Variants in TRAPPC9 observed in about 807,000 individuals in gnomAD.
TRAPPC9 encodes the protein trafficking protein particle complex subunit 9, also known as IKK2 binding protein.
In TRAPPC9, 83 loss-of-function variants were observed where a neutral mutation model predicts 124.0. That is an observed-to-expected ratio of 0.67 (90% CI 0.56 to 0.80). TRAPPC9 has a LOEUF of 0.80. Ranked by LOEUF, TRAPPC9 falls within the 30% of genes least tolerant of loss-of-function variation. TRAPPC9 has a pLI of 0.00. For missense variants in TRAPPC9, 1,302 were observed against 1,508.3 expected, an observed-to-expected ratio of 0.86 and a Z score of 2.27; for synonymous variants, 638 against 617.5, an observed-to-expected ratio of 1.03 and a Z score of -0.49.
chr8:140,404,282 G>T (rs2069391491), intron 6 of TRAPPC9, among the ~76,000 whole-genome samples: 1 of 152,000 alleles, frequency 6.6e-6, no homozygotes, highest in African/African-American at 2.4e-5. Context: ...GAATATAGGG[G>T]CAAAAATGTT....
intron 19 of TRAPPC9, among the ~76,000 whole-genome samples, chr8:139,986,018 G>A (rs1251672184): frequency 2.6e-5 from 4 of 152,204 alleles, no homozygotes; most frequent in African/African-American, 9.6e-5. Flanking sequence ...GCCGAGGCGG[G>A]CGGATCACAA....
chr8:140,237,361 T>C (rs1020978017), intron 16 of TRAPPC9, among the ~76,000 whole-genome samples: 2 of 151,244 alleles, frequency 1.3e-5, no homozygotes, highest in Middle Eastern at 3.2e-3. Context: ...ACCCAGAATT[T>C]GGAACAACTG....
At chr8:140,107,539 G>A (rs2060688986) in intron 17 of TRAPPC9, among the ~76,000 whole-genome samples, 1 of 152,234 alleles carries the variant, frequency 6.6e-6, no homozygotes, top group Non-Finnish European at 1.5e-5. Flanking sequence ...GTCCAGAATT[G>A]GAGGCAAATG....
intron 18 of TRAPPC9, among the ~76,000 whole-genome samples, chr8:140,000,203 C>T (rs1460713550): frequency 3.3e-5 from 5 of 152,156 alleles, no homozygotes; most frequent in African/African-American, 1.2e-4. Context: ...AACTGGATCC[C>T]TTCCTTACAC....
chr8:139,862,221 C>T lies in TRAPPC9; in HGVS notation c.3055+23658G>A, dbSNP rs562988319. The stretch of plus-strand genomic sequence containing the variant: ...CCCCAGGGCCTCAGCTCTTCCTGGC[C>T]TGTGTTGCTTCACAAAAGGGCTGCT... On this transcript the variant is annotated intron_variant, in intron 21 of 22. Transcript: ENST00000438773. 5.1e-4 allele frequency among the ~76,000 whole-genome samples: 78 copies of T among 152,382 alleles called. 1 individual carries two copies. Among genetic ancestry groups the T allele is most frequent in the African/African-American group, 1.7e-3 (71 of 41,592 alleles).
At chr8:140,025,575 AAAAAAG>A (rs1256914344) in intron 17 of TRAPPC9, among the ~76,000 whole-genome samples, 4 of 152,022 alleles carry the variant, frequency 2.6e-5, no homozygotes, top group Admixed American at 6.5e-5. Flanking sequence ...CAAAAAAAAA[AAAAAAG>A]AAAAGAAAAA....
At chr8:140,294,104 A>T (rs112285251) in intron 11 of TRAPPC9, among the ~76,000 whole-genome samples, 4,998 of 151,868 alleles carry the variant, frequency 0.033, 268 homozygotes, top group African/African-American at 0.11. Context: ...GAAAACTGAG[A>T]TTCGAACTCC....
chr8:140,243,787 C>A (rs1276740131), intron 16 of TRAPPC9, among the ~76,000 whole-genome samples: 1 of 152,224 alleles, frequency 6.6e-6, no homozygotes. Flanking sequence ...CACTTCCCAG[C>A]AAACCAGAAG....
intron 17 of TRAPPC9, among the ~76,000 whole-genome samples, chr8:140,186,366 C>T (rs1291802074): frequency 6.6e-6 from 1 of 151,770 alleles, no homozygotes; most frequent in Non-Finnish European, 1.5e-5. Context: ...GGTGGATTAC[C>T]TGAGGTCAGG....
chr8:139,749,291 C>A (rs964126356), intron 21 of TRAPPC9, among the ~76,000 whole-genome samples: 2 of 152,208 alleles, frequency 1.3e-5, no homozygotes, highest in African/African-American at 4.8e-5. Flanking sequence ...TGCTGAGGGA[C>A]TGTCTCTCCT....
At chr8:139,959,671 G>A (rs1835245707) in intron 19 of TRAPPC9, among the ~76,000 whole-genome samples, 1 of 152,202 alleles carries the variant, frequency 6.6e-6, no homozygotes, top group Non-Finnish European at 1.5e-5. Context: ...CCAGCGACCA[G>A]GACCATGTCT....
At chr8:140,453,001 G>C (rs529023641) in intron 1 of TRAPPC9, among the ~76,000 whole-genome samples, 63 of 152,152 alleles carry the variant, frequency 4.1e-4, no homozygotes, top group Non-Finnish European at 8.2e-4. Context: ...ATGGCACCAC[G>C]GGGGGAAACT....
intron 17 of TRAPPC9, among the ~76,000 whole-genome samples, chr8:140,049,055 C>A (rs1018918394): frequency 7.9e-5 from 12 of 152,218 alleles, no homozygotes; most frequent in Admixed American, 7.8e-4. Flanking sequence ...CACAGCACAC[C>A]AGAGGCCCAC....
intron 21 of TRAPPC9, among the ~76,000 whole-genome samples, chr8:139,758,879 G>A (rs1043529641): frequency 3.9e-5 from 6 of 152,238 alleles, no homozygotes; most frequent in Admixed American, 3.3e-4. Flanking sequence ...GCCAAAGCCT[G>A]TGTTGCCTCC....
chr8:140,280,855 G>C (rs4361739), intron 14 of TRAPPC9, among the ~76,000 whole-genome samples: 2 of 152,164 alleles, frequency 1.3e-5, no homozygotes, highest in Non-Finnish European at 2.9e-5. Context: ...CCTGCCACTA[G>C]AGACCTGCTT....
At chr8:139,881,688 A>G (rs2131093180) in intron 21 of TRAPPC9, among the ~76,000 whole-genome samples, 1 of 102,420 alleles carries the variant, frequency 9.8e-6, no homozygotes, top group East Asian at 3.6e-4. Context: ...TATGCCAGAA[A>G]AAAACAGCTG....
intron 10 of TRAPPC9, among the ~76,000 whole-genome samples, chr8:140,301,734 T>C (rs924604927): frequency 4.6e-5 from 7 of 151,998 alleles, no homozygotes; most frequent in Admixed American, 4.6e-4. Context: ...CCTGAGGAGC[T>C]CTGGCCAGTA....
chr8:140,294,901 C>A (rs906051452), intron 11 of TRAPPC9, among the ~76,000 whole-genome samples: 1 of 152,174 alleles, frequency 6.6e-6, no homozygotes, highest in Non-Finnish European at 1.5e-5. Flanking sequence ...CGTGAGCCAC[C>A]ACACCCAGCC....
chr8:140,133,425 A>T (rs2061240099), intron 17 of TRAPPC9, among the ~76,000 whole-genome samples: 1 of 152,234 alleles, frequency 6.6e-6, no homozygotes, highest in African/African-American at 2.4e-5. Flanking sequence ...AACATGATAA[A>T]GGGTATCTAT....
Sources: gnomAD v4.1 joint callset for allele counts (sites outside exome capture counted in the v4.1 genomes callset) on GRCh38, gnomAD v4.1.1 for gene constraint, MANE v1.5 for transcripts, NCBI Gene and HGNC (gene_info 2026-07-23, HGNC 2026-07-21) for gene names.